PDE1A: variants seen among roughly 807,000 people sequenced by gnomAD.
The protein encoded by PDE1A is dual specificity calcium/calmodulin-dependent 3',5'-cyclic nucleotide phosphodiesterase 1A.
Under a neutral mutation model 61.7 loss-of-function variants are expected in PDE1A, and 35 were observed. That is an observed-to-expected ratio of 0.57 (90% CI 0.43 to 0.75). The LOEUF is 0.75. PDE1A is among the 30% of genes least tolerant of loss of function. PDE1A has a pLI of 0.00. For synonymous variants in PDE1A, 232 were observed against 213.2 expected, an observed-to-expected ratio of 1.09 and a Z score of -0.77; for missense variants, 597 against 630.6, an observed-to-expected ratio of 0.95 and a Z score of 0.57.
At chr2:182,443,287 C>G (rs917905339) in intron 2 of PDE1A, among the ~76,000 whole-genome samples, 2 of 151,544 alleles carry the variant, frequency 1.3e-5, no homozygotes, top group Admixed American at 1.3e-4. Flanking sequence ...TTATGATGGT[C>G]AAACTGTTTA....
intron 8 of PDE1A, among the ~76,000 whole-genome samples, chr2:182,204,917 T>A (rs1426677017): frequency 6.6e-6 from 1 of 152,218 alleles, no homozygotes; most frequent in African/African-American, 2.4e-5. Flanking sequence ...TATCTCTAGA[T>A]ATGGCCTTGA....
chr2:182,689,462 A>G, the PDE1A span, among the ~76,000 whole-genome samples: 2 of 152,142 alleles, frequency 1.3e-5, no homozygotes, highest in African/African-American at 4.8e-5. Flanking sequence ...CAGAAATAAA[A>G]ATGTTCTTTG....
intron 1 of PDE1A, among the ~76,000 whole-genome samples, chr2:182,328,929 C>T (rs1650009353): frequency 6.6e-6 from 1 of 152,140 alleles, no homozygotes; most frequent in South Asian, 2.1e-4. Context: ...GGAAGGGTTT[C>T]TAGAGTTCCA....
At chr2:182,368,975 G>C (rs544520752) in intron 1 of PDE1A, among the ~76,000 whole-genome samples, 1 of 152,226 alleles carries the variant, frequency 6.6e-6, no homozygotes, top group African/African-American at 2.4e-5. Context: ...AGCATATTTT[G>C]GTTACTCAAC....
chr2:182,416,136 T>C (rs1000051774), intron 1 of PDE1A, among the ~76,000 whole-genome samples: 2 of 152,212 alleles, frequency 1.3e-5, no homozygotes, highest in African/African-American at 4.8e-5. Flanking sequence ...AAGCAAATAG[T>C]ATAACAGATG....
intron 1 of PDE1A, among the ~76,000 whole-genome samples, chr2:182,384,155 G>A (rs114349542): frequency 0.021 from 3,196 of 152,300 alleles, 115 homozygotes; most frequent in African/African-American, 0.074. Flanking sequence ...CCAGTGCCAT[G>A]CCTGCCACAG....
At chr2:182,251,188 C>G (rs1199084465) in intron 2 of PDE1A, among the ~76,000 whole-genome samples, 2 of 152,174 alleles carry the variant, frequency 1.3e-5, no homozygotes, top group African/African-American at 2.4e-5. Context: ...CCTCTGGAGT[C>G]AAACTCCTGG....
At chr2:182,307,440 A>G (rs998196478) in intron 1 of PDE1A, among the ~76,000 whole-genome samples, 1 of 152,046 alleles carries the variant, frequency 6.6e-6, no homozygotes, top group African/African-American at 2.4e-5. Flanking sequence ...CCACCATGTG[A>G]TGATGCAGCA....
chr2:182,176,716 C>A (rs1269600079), intron 13 of PDE1A, among the ~76,000 whole-genome samples: 2 of 142,280 alleles, frequency 1.4e-5, no homozygotes, highest in Non-Finnish European at 3.1e-5. Flanking sequence ...GAACTTCCAA[C>A]ACTATGTTGA....
At chr2:182,395,929 A>G (rs1358693467) in intron 1 of PDE1A, among the ~76,000 whole-genome samples, 1 of 152,198 alleles carries the variant, frequency 6.6e-6, no homozygotes, top group East Asian at 1.9e-4. Context: ...TGAGACCTGA[A>G]CTTCCTATCA....
At chr2:182,668,622 G>A in the PDE1A span, among the ~76,000 whole-genome samples, 1 of 152,220 alleles carries the variant, frequency 6.6e-6, no homozygotes, top group Non-Finnish European at 1.5e-5. Flanking sequence ...CACTCAGGGG[G>A]CTGCAGTCAG....
intron 12 of PDE1A, 106 bp downstream of exon 12, chr2:182,186,362 A>C: frequency 7.4e-7 from 1 of 1,353,394 alleles, no homozygotes; most frequent in Non-Finnish European, 1.0e-6. Context: ...CTCCCTAATA[A>C]TTCTTGTGAG....
chr2:182,242,494 G>A (rs182834418), intron 2 of PDE1A, among the ~76,000 whole-genome samples: 12 of 152,312 alleles, frequency 7.9e-5, no homozygotes, highest in Non-Finnish European at 1.5e-4. Flanking sequence ...AACTACCTCC[G>A]TGAGGTTTAA....
intron 1 of PDE1A, among the ~76,000 whole-genome samples, chr2:182,295,135 C>T (rs1035467115): frequency 3.4e-5 from 4 of 117,282 alleles, no homozygotes; most frequent in Non-Finnish European, 6.5e-5. Context: ...ACTGCAGTGG[C>T]GCAATCTCGG....
At chr2:182,173,900 T>G (rs1692472959) in intron 13 of PDE1A, among the ~76,000 whole-genome samples, 1 of 152,098 alleles carries the variant, frequency 6.6e-6, no homozygotes, top group Non-Finnish European at 1.5e-5. Flanking sequence ...TACAACTTTT[T>G]AAAGTAATTC....
In PDE1A at chr2:182,302,596, G is replaced by A. The variant is rs911601855; in HGVS notation, c.54-38182C>T. 1.1e-3 allele frequency among the ~76,000 whole-genome samples: 175 copies of A among 152,328 alleles called. 1 individual carries two copies. The highest frequency in any genetic ancestry group is 4.0e-3 in the African/African-American group (168 of 41,584). On this transcript the variant is annotated intron_variant, in intron 1 of 13. Coordinates refer to ENST00000351439, the Ensembl canonical transcript of PDE1A. ...TGATGTCTGCTGACTAATCAGGGAG[G>A]TAGTTGCTGAAGGTTGAGGTAGCTG... is the stretch of plus-strand genomic sequence containing the variant.
chr2:182,663,512 G>T, the PDE1A span, among the ~76,000 whole-genome samples: 2 of 152,200 alleles, frequency 1.3e-5, no homozygotes, highest in Non-Finnish European at 2.9e-5. Flanking sequence ...ATTAGATCAT[G>T]TCCTTTGCAG....
intron 1 of PDE1A, among the ~76,000 whole-genome samples, chr2:182,323,104 C>G (rs1391897481): frequency 6.6e-6 from 1 of 152,052 alleles, no homozygotes; most frequent in Non-Finnish European, 1.5e-5. Flanking sequence ...TTATTTTAAC[C>G]TTATGAGCTT....
chr2:182,403,065 A>G (rs1702094149), intron 1 of PDE1A, among the ~76,000 whole-genome samples: 1 of 150,882 alleles, frequency 6.6e-6, no homozygotes, highest in Non-Finnish European at 1.5e-5. Flanking sequence ...ATGCTTTTAC[A>G]GTGTTGATGG....
Sources: gnomAD v4.1 joint callset for allele counts (sites outside exome capture counted in the v4.1 genomes callset) on GRCh38, gnomAD v4.1.1 for gene constraint, MANE v1.5 for transcripts, NCBI Gene and HGNC (gene_info 2026-07-23, HGNC 2026-07-21) for gene names.